Variants in TASOR observed in about 807,000 individuals in gnomAD.
TASOR encodes the protein protein TASOR.
In TASOR, 53 loss-of-function variants were observed where a neutral mutation model predicts 178.6. The observed-to-expected ratio is 0.30, with a 90% CI of 0.24 to 0.37. The LOEUF (loss-of-function observed/expected upper bound fraction) is 0.37. Among genes scored for constraint, TASOR ranks in the 10% least tolerant of loss-of-function variants. The pLI is 1.00. For synonymous variants in TASOR, 713 were observed against 696.2 expected, an observed-to-expected ratio of 1.02 and a Z score of -0.38; for missense variants, 1,815 against 1,971.4, an observed-to-expected ratio of 0.92 and a Z score of 1.50.
At chr3:56,627,267 T>G in intron 20 of TASOR, 122 bp from the exon 21 acceptor site, 2 of 656,218 alleles carry the variant, frequency 3.0e-6, no homozygotes, top group Non-Finnish European at 5.3e-6. Flanking sequence ...TATTTTCATT[T>G]CTCTTTGTCT....
intron 16 of TASOR, 88 bp from the exon 17 acceptor site, chr3:56,638,853 C>T: frequency 8.0e-6 from 10 of 1,245,450 alleles, no homozygotes; most frequent in Non-Finnish European, 1.2e-5. Flanking sequence ...GATAACAATG[C>T]AAGCATTCCT....
intron 11 of TASOR, among the ~76,000 whole-genome samples, chr3:56,651,116 C>G (rs1471635332): frequency 6.6e-6 from 1 of 152,072 alleles, no homozygotes; most frequent in Non-Finnish European, 1.5e-5. Flanking sequence ...GGAGTACAAG[C>G]AATCTATGAT....
intron 1 of TASOR, among the ~76,000 whole-genome samples, chr3:56,681,973 A>G (rs2031833565): frequency 6.6e-6 from 1 of 152,136 alleles, no homozygotes; most frequent in South Asian, 2.1e-4. Context: ...GTTTTTTTCC[A>G]TTGGGAAATT....
At chr3:56,654,610 C>A (rs1399951428) in intron 11 of TASOR, among the ~76,000 whole-genome samples, 1 of 152,070 alleles carries the variant, frequency 6.6e-6, no homozygotes, top group Non-Finnish European at 1.5e-5. Flanking sequence ...GATGAGTTTA[C>A]AACCAACAGA....
In TASOR at chr3:56,627,631, A is replaced by T; in HGVS notation, c.3981T>A (p.Gly1327=). Residue 1327 remains glycine, a synonymous_variant, in exon 20 of 24, where the codon GGT becomes GGA. Transcript: ENST00000683822. ...HTYNELFVSG[G]FIVSDESILN... ...GAATTGATTCATCAGATACGATAAAACCTCCAGATACAAATAATTCATTGT... is the reference window on the plus strand; with the variant it reads ...GAATTGATTCATCAGATACGATAAATCCTCCAGATACAAATAATTCATTGT... 6.2e-7 allele frequency: 1 copy of T among 1,614,066 alleles called. No homozygotes were observed. Among genetic ancestry groups the T allele is most frequent in the Non-Finnish European group, 8.5e-7 (1 of 1,179,968 alleles).
Position 56,641,785 on chromosome 3 carries a change from G to A in TASOR, c.2216-33C>T, listed in dbSNP as rs201527182. On this transcript the variant is annotated intron_variant, in intron 14 of 23. Transcript: ENST00000683822. ...AAAGGAAGTCATTGGTTGAAGTTAA[G>A]TTTAAAAGCAAGCATAAAACTTTTA... 4.1e-4 allele frequency: 634 copies of A among 1,555,236 alleles called. 9 individuals are homozygous for A. In the South Asian group the frequency reaches 6.2e-3, roughly 15 times the overall value.
intron 1 of TASOR, among the ~76,000 whole-genome samples, chr3:56,680,766 C>G (rs188257470): frequency 1.1e-4 from 16 of 152,186 alleles, no homozygotes; most frequent in Admixed American, 3.3e-4. Flanking sequence ...TTAAAAATTG[C>G]TCATTTTCAC....
intron 11 of TASOR, among the ~76,000 whole-genome samples, chr3:56,657,728 T>C (rs181725131): frequency 6.6e-6 from 1 of 152,320 alleles, no homozygotes; most frequent in Non-Finnish European, 1.5e-5. Context: ...TTCCAGGAAT[T>C]TGGAAATGTC....
At position 56,620,733 on chromosome 3, in the gene TASOR, C is replaced by T. The variant is rs1559796395; in HGVS notation, c.*2304G>A. On this transcript the variant is annotated 3_prime_UTR_variant, in exon 24 of 24. Transcript: ENST00000683822. ...TAGTTTACTTCTTGCTTAGTGGAGA[C>T]AAAAATTGTGAGATAAAGAGGAAGG... 1 of 152,084 alleles carries T rather than the reference C, an allele frequency of 6.6e-6. No homozygotes were observed. Among genetic ancestry groups the T allele is most frequent in the Non-Finnish European group, 1.5e-5 (1 of 68,036 alleles). 9.4% of individuals were successfully genotyped at this position (152,084 alleles called of 1,614,324 possible). A position where few individuals can be genotyped will look rare whatever the true frequency, so the allele number is the denominator to read the frequency against.
rs775552841 is a variant in TASOR at position 56,649,044 on chromosome 3, G to C, written c.1382C>G (p.Pro461Arg). ...LDREKLVLVK[P>R]LGDRGYLFLL... The stretch of plus-strand genomic sequence containing the variant: ...AAAAAGGTATCCTCGGTCTCCCAAA[G>C]GTTTAACAAGAACCTGTATTTTGAG... The change falls in exon 12 of 24, where the codon CCT becomes CGT. Residue 461 changes from proline to arginine, a missense_variant. Coordinates refer to ENST00000683822, the MANE Select transcript of TASOR (RefSeq NM_001365635.2). 5 of 1,606,344 alleles carry C rather than the reference G, an allele frequency of 3.1e-6. No homozygotes were observed. The Admixed American group carries it at 8.6e-5, about 27-fold the overall frequency.
At chr3:56,661,365 A>G (rs1403289418) in intron 9 of TASOR, among the ~76,000 whole-genome samples, 1 of 152,144 alleles carries the variant, frequency 6.6e-6, no homozygotes, top group African/African-American at 2.4e-5. Flanking sequence ...TACGTTGCTC[A>G]GGCTGGTCTC....
intron 1 of TASOR, among the ~76,000 whole-genome samples, chr3:56,681,000 A>C (rs2031734511): frequency 6.6e-6 from 1 of 152,034 alleles, no homozygotes; most frequent in Admixed American, 6.6e-5. Flanking sequence ...ACACAAACAC[A>C]GTGCCTTTCC....
chr3:56,664,447 A>T (rs2077664729), intron 7 of TASOR: 2 of 152,260 alleles, frequency 1.3e-5, no homozygotes, highest in Non-Finnish European at 2.9e-5. Context: ...AGCCACAAAA[A>T]ATGAAAGCCA....
intron 11 of TASOR, 23 bp downstream of exon 11, chr3:56,660,708 A>G: frequency 6.4e-7 from 1 of 1,554,582 alleles, no homozygotes; most frequent in Non-Finnish European, 8.9e-7. Flanking sequence ...AGAATGAGAA[A>G]CATTAAAAAA....
Position 56,653,603 on chromosome 3 carries a change from G to A in TASOR, c.1369-4546C>T, listed in dbSNP as rs991676629. On this transcript the variant is annotated intron_variant, in intron 11 of 23. Coordinates refer to ENST00000683822, the MANE Select transcript of TASOR (RefSeq NM_001365635.2). ...AGAAAATAGCTGTCAACCCAGAATT[G>A]TGTACCCAGCACCCAATGATTATAG... Among the ~76,000 whole-genome samples, 3 of 152,216 alleles carry A rather than the reference G, an allele frequency of 2.0e-5. No homozygotes were observed. In the South Asian group the frequency reaches 6.2e-4, roughly 32 times the overall value.
rs745415280 is a variant in TASOR at position 56,646,733 on chromosome 3, TTGC to T, written c.2001_2003del (p.Gln668del). On this transcript the variant is annotated inframe_deletion, in exon 14 of 24. Coordinates refer to ENST00000683822, the MANE Select transcript of TASOR (RefSeq NM_001365635.2). ...CATAATCCAAAGAATGAGATGATCTTTGCTTTCCAGATATAATGGCTTCACCTC... is the reference window on the plus strand; with the variant it reads ...CATAATCCAAAGAATGAGATGATCTTTTTCCAGATATAATGGCTTCACCTC... 11 of 1,613,884 alleles carry T rather than the reference TTGC, an allele frequency of 6.8e-6. No individual in the cohort carries two copies. The South Asian group carries it at 1.2e-4, about 18-fold the overall frequency.
intron 11 of TASOR, among the ~76,000 whole-genome samples, chr3:56,660,489 C>CGA (rs1553727984): frequency 1.5e-5 from 1 of 66,048 alleles, no homozygotes; most frequent in Admixed American, 1.7e-4. Flanking sequence ...GACTCCGTCT[C>CGA]AAAAAAAAAA....
chr3:56,641,931 G>C (rs2077133353), intron 14 of TASOR, among the ~76,000 whole-genome samples, 179 bp from the exon 15 acceptor site: 1 of 152,274 alleles, frequency 6.6e-6, no homozygotes, highest in African/African-American at 2.4e-5. Context: ...TTTGCACATA[G>C]TTCAAAATTG....
At chr3:56,667,312 C>CTTT (rs1370139184) in intron 6 of TASOR, among the ~76,000 whole-genome samples, 1 of 152,078 alleles carries the variant, frequency 6.6e-6, no homozygotes, top group Non-Finnish European at 1.5e-5. Context: ...AACATTACTA[C>CTTT]TTTTCACAAG....
Sources: gnomAD v4.1 joint callset for allele counts (sites outside exome capture counted in the v4.1 genomes callset) on GRCh38, gnomAD v4.1.1 for gene constraint, MANE v1.5 for transcripts, NCBI Gene and HGNC (gene_info 2026-07-23, HGNC 2026-07-21) for gene names.